Variants in MICOS10 observed in about 807,000 individuals in gnomAD.
The protein encoded by MICOS10 is MICOS complex subunit MIC10.
MICOS10 carries 5 observed loss-of-function variants against 13.4 expected under a neutral mutation model. The observed-to-expected ratio is 0.37, with a 90% CI of 0.20 to 0.78. The LOEUF is 0.78. Ranked by LOEUF, MICOS10 falls within the 30% of genes least tolerant of loss-of-function variation. The pLI, the probability that MICOS10 is intolerant of heterozygous loss-of-function variation, is 0.47. For missense variants in MICOS10, 101 were observed against 94.6 expected (o/e 1.07, Z -0.28); for synonymous variants, 35 against 33.6 (o/e 1.04, Z -0.15).
intron 1 of MICOS10, among the ~76,000 whole-genome samples, chr1:19,606,536 A>G (rs1422035268): frequency 6.6e-6 from 1 of 152,196 alleles, no homozygotes; most frequent in African/African-American, 2.4e-5. Flanking sequence ...ACCTGAGGTC[A>G]GGAGTTTGAG....
At chr1:19,604,998 A>G (rs1396694884) in intron 1 of MICOS10, among the ~76,000 whole-genome samples, 1 of 152,194 alleles carries the variant, frequency 6.6e-6, no homozygotes, top group Non-Finnish European at 1.5e-5. Flanking sequence ...GGTGCTGAGC[A>G]TGTTATATTT....
intron 1 of MICOS10, among the ~76,000 whole-genome samples, chr1:19,614,299 C>G (rs897402736): frequency 6.6e-6 from 1 of 151,012 alleles, no homozygotes; most frequent in African/African-American, 2.4e-5. Context: ...TTTTCTTTGG[C>G]AGCCTTCCCC....
chr1:19,623,302 C>G (rs894072624), intron 2 of MICOS10, among the ~76,000 whole-genome samples, 172 bp from the exon 3 acceptor site: 4 of 152,114 alleles, frequency 2.6e-5, no homozygotes, highest in African/African-American at 9.7e-5. Flanking sequence ...TAATTTACAC[C>G]TCTTTTTTGG....
intron 1 of MICOS10, among the ~76,000 whole-genome samples, chr1:19,618,134 TCTCA>T (rs1023385095): frequency 1.4e-5 from 2 of 141,716 alleles, no homozygotes; most frequent in South Asian, 4.5e-4. Flanking sequence ...TTTGGCAAGG[TCTCA>T]CTCTGTTGTC....
chr1:19,625,703 T>C, intron 3 of MICOS10: 1 of 1,200,108 alleles, frequency 8.3e-7, no homozygotes, highest in Non-Finnish European at 1.1e-6. Context: ...GGTGATTATA[T>C]GCATATTATG....
chr1:19,611,836 G>T (rs780388686), intron 1 of MICOS10, among the ~76,000 whole-genome samples: 1 of 151,230 alleles, frequency 6.6e-6, no homozygotes, highest in Non-Finnish European at 1.5e-5. Flanking sequence ...GCTGGGCGTG[G>T]TGGCATGCGC....
chr1:19,599,056 AGTT>A (rs1433953492), intron 1 of MICOS10, among the ~76,000 whole-genome samples: 1 of 151,468 alleles, frequency 6.6e-6, no homozygotes, highest in African/African-American at 2.4e-5. Context: ...CACTCATAGT[AGTT>A]GTTTTTTATT....
intron 1 of MICOS10, chr1:19,614,546 T>A (rs911523959): frequency 2.0e-5 from 3 of 152,140 alleles, no homozygotes; most frequent in African/African-American, 7.2e-5. Flanking sequence ...CTCGATCTCC[T>A]GACCTCGTGA....
At chr1:19,612,871 C>T (rs938888048) in intron 1 of MICOS10, among the ~76,000 whole-genome samples, 1 of 152,182 alleles carries the variant, frequency 6.6e-6, no homozygotes, top group African/African-American at 2.4e-5. Context: ...ATCCTAAATG[C>T]AGAAACATGG....
At chr1:19,597,167 G>C in intron 1 of MICOS10, 58 bp downstream of exon 1, 1 of 1,545,586 alleles carries the variant, frequency 6.5e-7, no homozygotes, top group African/African-American at 1.4e-5. Context: ...GCTCCAGGCT[G>C]CGCTGCCCAG....
chr1:19,609,174 A>AT (rs1052650185), intron 1 of MICOS10, among the ~76,000 whole-genome samples: 17 of 150,006 alleles, frequency 1.1e-4, no homozygotes, highest in African/African-American at 2.9e-4. Context: ...TTAAAAAAAA[A>AT]TTTTTTTTTT....
intron 1 of MICOS10, among the ~76,000 whole-genome samples, chr1:19,609,620 G>A: frequency 6.6e-6 from 1 of 152,192 alleles, no homozygotes; most frequent in East Asian, 1.9e-4. Context: ...AACAAAATGT[G>A]GACTGTCCTT....
At chr1:19,624,908 C>T (rs1015077808) in intron 3 of MICOS10, among the ~76,000 whole-genome samples, 8 of 152,188 alleles carry the variant, frequency 5.3e-5, no homozygotes, top group African/African-American at 1.9e-4. Context: ...TGTAGCAGCA[C>T]AATTTTCAGT....
chr1:19,608,281 G>A (rs1326466502), intron 1 of MICOS10: 1 of 1,347,478 alleles, frequency 7.4e-7, no homozygotes, highest in Non-Finnish European at 1.1e-6. Context: ...TCTGCCGTGT[G>A]ACTGGTGGGA....
chr1:19,610,891 G>T (rs995269575), intron 1 of MICOS10, among the ~76,000 whole-genome samples: 1 of 151,986 alleles, frequency 6.6e-6, no homozygotes, highest in South Asian at 2.1e-4. Context: ...CTAGTTTCTT[G>T]GCATCATTTC....
intron 2 of MICOS10, among the ~76,000 whole-genome samples, chr1:19,622,900 A>T (rs1370535168): frequency 6.7e-6 from 1 of 149,864 alleles, no homozygotes; most frequent in Non-Finnish European, 1.5e-5. Flanking sequence ...AGGTTTATCT[A>T]GTGTTTTCAT....
intron 1 of MICOS10, among the ~76,000 whole-genome samples, chr1:19,597,504 C>T (rs2094797093): frequency 6.6e-6 from 1 of 152,288 alleles, no homozygotes; most frequent in African/African-American, 2.4e-5. Flanking sequence ...CGCTGCTCCC[C>T]GGCGGAAACC....
At chr1:19,620,398 T>C (rs541732252) in intron 1 of MICOS10, among the ~76,000 whole-genome samples, 248 of 152,358 alleles carry the variant, frequency 1.6e-3, no homozygotes, top group Non-Finnish European at 2.2e-3. Context: ...CCATTGTTTA[T>C]CTTTTAAGTA....
chr1:19,620,196 T>C (rs1350741212), intron 1 of MICOS10, among the ~76,000 whole-genome samples: 1 of 152,250 alleles, frequency 6.6e-6, no homozygotes, highest in Non-Finnish European at 1.5e-5. Flanking sequence ...TTTGTTTTTA[T>C]TGTAAGACAA....
Sources: gnomAD v4.1 joint callset for allele counts (sites outside exome capture counted in the v4.1 genomes callset) on GRCh38, gnomAD v4.1.1 for gene constraint, MANE v1.5 for transcripts, NCBI Gene and HGNC (gene_info 2026-07-23, HGNC 2026-07-21) for gene names.